The following CCPG1 variants were observed in gnomAD, a reference collection of about 807,000 sequenced individuals.
The protein encoded by CCPG1 is cell cycle progression 1.
In CCPG1, 46 loss-of-function variants were observed where a neutral mutation model predicts 81.3. That is an observed-to-expected ratio of 0.57 (90% confidence interval 0.45 to 0.72). The LOEUF is 0.72. CCPG1 is among the 30% of genes least tolerant of loss of function. The pLI is 0.00. For missense variants in CCPG1, 902 were observed against 937.6 expected, an observed-to-expected ratio of 0.96 and a Z score of 0.50; for synonymous variants, 330 against 305.2, an observed-to-expected ratio of 1.08 and a Z score of -0.85.
intron 6 of CCPG1, among the ~76,000 whole-genome samples, chr15:55,367,067 T>C (rs1449269092): frequency 1.3e-5 from 2 of 152,246 alleles, no homozygotes; most frequent in Non-Finnish European, 2.9e-5. Flanking sequence ...CTTTTGCCAA[T>C]TTACAGGTAA....
chr15:55,364,050 T>G (rs2056267604), intron 7 of CCPG1, among the ~76,000 whole-genome samples: 1 of 150,204 alleles, frequency 6.7e-6, no homozygotes, highest in Non-Finnish European at 1.5e-5. Context: ...GCAATCCACC[T>G]ACCTTGGCTT....
intron 5 of CCPG1, among the ~76,000 whole-genome samples, chr15:55,373,207 G>A (rs2056491490): frequency 6.6e-6 from 1 of 152,078 alleles, no homozygotes; most frequent in Non-Finnish European, 1.5e-5. Flanking sequence ...TGTTTCTTAT[G>A]TCAACAAACT....
chr15:55,359,626 A>T lies in CCPG1; in HGVS notation c.2147T>A (p.Val716Glu). 6.2e-7 allele frequency: 1 copy of T among 1,607,952 alleles called. No individual in the cohort carries two copies. Among genetic ancestry groups the T allele is most frequent in the Non-Finnish European group, 8.5e-7 (1 of 1,174,910 alleles). Residue 716 changes from valine to glutamate, a missense_variant, in exon 8 of 9, where the codon GTA (valine) becomes GAA (glutamate). Coordinates refer to ENST00000442196, the MANE Select transcript of CCPG1 (RefSeq NM_001204450.2). ...CTTCTCAAATACTCCATCATTATCTACTTCATATTCCTTCATGTTTCTAAG... is the reference window on the plus strand; with the variant it reads ...CTTCTCAAATACTCCATCATTATCTTCTTCATATTCCTTCATGTTTCTAAG... Reference protein sequence around the residue: ...DYLRNMKEYEVDNDGVFEKLD... With the variant: ...DYLRNMKEYEEDNDGVFEKLD...
Position 55,355,290 on chromosome 15 carries a change from T to C in CCPG1, c.*930A>G. On this transcript the variant is annotated 3_prime_UTR_variant, in exon 9 of 9. Coordinates refer to ENST00000442196, the MANE Select transcript of CCPG1 (RefSeq NM_001204450.2). ...TAAACATTTATTTGCTTCTAGGAAA[T>C]AAGCGCTTTCCTAATTTCAAGCAAT... 2.5e-6 allele frequency: 4 copies of C among 1,604,592 alleles called. No individual in the cohort carries two copies. Among genetic ancestry groups the C allele is most frequent in the Non-Finnish European group, 3.4e-6 (4 of 1,174,444 alleles).
At chr15:55,395,688 T>C (rs2057003214) in intron 1 of CCPG1, among the ~76,000 whole-genome samples, 1 of 152,048 alleles carries the variant, frequency 6.6e-6, no homozygotes, top group Admixed American at 6.6e-5. Flanking sequence ...CTAAGACTCT[T>C]ATTATTTTCT....
rs1158279926 is a variant in CCPG1 at position 55,378,386 on chromosome 15, A to G, written c.176-10T>C. 2 of 1,556,966 alleles carry G rather than the reference A, an allele frequency of 1.3e-6. No homozygotes were observed. The highest frequency in any genetic ancestry group is 1.7e-5 in the Admixed American group (1 of 58,578). ...CCATTTTGGCTGCTTTCTGATATAAAGCAAAGATCAATATAATTATTTCTT... is the reference window on the plus strand; with the variant it reads ...CCATTTTGGCTGCTTTCTGATATAAGGCAAAGATCAATATAATTATTTCTT... On this transcript the variant is annotated splice_polypyrimidine_tract_variant and intron_variant, in intron 3 of 8. Coordinates refer to ENST00000442196, the MANE Select transcript of CCPG1 (RefSeq NM_001204450.2).
chr15:55,382,075 A>G (rs770595056), intron 3 of CCPG1, among the ~76,000 whole-genome samples: 4 of 152,222 alleles, frequency 2.6e-5, no homozygotes, highest in African/African-American at 7.2e-5. Context: ...GTGAATTGTA[A>G]TATTTTTGCT....
At chr15:55,405,948 T>G (rs1044363142) in intron 1 of CCPG1, among the ~76,000 whole-genome samples, 4 of 152,212 alleles carry the variant, frequency 2.6e-5, no homozygotes, top group African/African-American at 9.6e-5. Context: ...CACTGCAACT[T>G]CTGCCTCCCG....
At chr15:55,407,198 A>C (rs186379017) in intron 1 of CCPG1, among the ~76,000 whole-genome samples, 8,038 of 150,478 alleles carry the variant, frequency 0.053, 311 homozygotes, top group South Asian at 0.1. Flanking sequence ...ACTGCACTCC[A>C]GCCTGGGCAA....
chr15:55,358,455 T>C, intron 8 of CCPG1: 1 of 985,408 alleles, frequency 1.0e-6, no homozygotes, highest in Non-Finnish European at 1.2e-6. Context: ...ACCTTTAGCA[T>C]AAAATGGGGC....
In CCPG1 at chr15:55,356,186, C is replaced by T; in HGVS notation, c.*34G>A. On this transcript the variant is annotated 3_prime_UTR_variant, in exon 9 of 9. Coordinates refer to ENST00000442196, the MANE Select transcript of CCPG1 (RefSeq NM_001204450.2). The stretch of plus-strand genomic sequence containing the variant: ...AACATTATACAAAGCATAAATTTTT[C>T]TCTTACAGTTGTCTAATTTAACTCA... The T allele has an allele frequency of 6.8e-7, 1 of 1,461,470 alleles. No individual in the cohort carries two copies. Among genetic ancestry groups the T allele is most frequent in the Non-Finnish European group, 9.1e-7 (1 of 1,098,826 alleles). 90.5% of individuals were successfully genotyped at this position (1,461,470 alleles called of 1,614,324 possible). A position where few individuals can be genotyped will look rare whatever the true frequency, so the allele number is the denominator to read the frequency against.
At chr15:55,398,565 T>C (rs1355467647) in intron 1 of CCPG1, among the ~76,000 whole-genome samples, 1 of 151,944 alleles carries the variant, frequency 6.6e-6, no homozygotes, top group African/African-American at 2.4e-5. Context: ...GGGAAGAGGA[T>C]ACAAGATCCC....
At chr15:55,369,111 C>A (rs920301595) in intron 6 of CCPG1, among the ~76,000 whole-genome samples, 8 of 146,422 alleles carry the variant, frequency 5.5e-5, no homozygotes, top group African/African-American at 2.5e-5. Context: ...GACTCTGTCT[C>A]AAAAAAAAAT....
At chr15:55,379,219 A>T (rs2056629859) in intron 3 of CCPG1, among the ~76,000 whole-genome samples, 1 of 143,492 alleles carries the variant, frequency 7.0e-6, no homozygotes, top group East Asian at 2.0e-4. Flanking sequence ...GAAAACATAA[A>T]CTATAAAAAA....
chr15:55,399,587 A>G lies in CCPG1; in HGVS notation c.-10+8634T>C, dbSNP rs62018140. 1.3e-3 allele frequency among the ~76,000 whole-genome samples: 198 copies of G among 152,098 alleles called. 1 individual carries two copies. The highest frequency in any genetic ancestry group is 2.4e-3 in the Admixed American group (36 of 15,252). ...CTGGGTGACAGAGCAAGACTCTGTC[A>G]ACCAAATTGAATTCACATCTAAAAT... On this transcript the variant is annotated intron_variant, in intron 1 of 8. Transcript: ENST00000442196.
At chr15:55,357,196 C>T in intron 8 of CCPG1, 1 of 920,866 alleles carries the variant, frequency 1.1e-6, no homozygotes, top group Non-Finnish European at 1.3e-6. Flanking sequence ...ATTACCCTTG[C>T]CCCAAACCTT....
intron 6 of CCPG1, among the ~76,000 whole-genome samples, chr15:55,366,946 G>C (rs145577644): frequency 6.6e-6 from 1 of 152,248 alleles, no homozygotes; most frequent in Admixed American, 6.5e-5. Context: ...ACTGAGTATA[G>C]ATACTATAGA....
intron 1 of CCPG1, among the ~76,000 whole-genome samples, chr15:55,397,456 T>A (rs555706464): frequency 1.3e-5 from 2 of 152,318 alleles, no homozygotes; most frequent in Admixed American, 6.5e-5. Context: ...GCATGGCTAC[T>A]ATGATAATCC....
intron 5 of CCPG1, 66 bp downstream of exon 5, chr15:55,376,883 G>T: frequency 8.4e-7 from 1 of 1,186,316 alleles, no homozygotes. Flanking sequence ...ATTAGGGGTA[G>T]AAAACAAGCC....
Sources: allele counts gnomAD v4.1 joint callset (sites outside exome capture counted in the v4.1 genomes callset), GRCh38; gene constraint gnomAD v4.1.1; transcripts MANE v1.5; gene names NCBI Gene and HGNC (gene_info 2026-07-23, HGNC 2026-07-21).